Variants in CCL24 observed in about 807,000 individuals in gnomAD.
The protein encoded by CCL24 is C-C motif chemokine 24.
A neutral mutation model predicts 8.6 loss-of-function variants in CCL24; 6 were observed. That is an observed-to-expected ratio of 0.70 (90% CI 0.38 to 1.38). The LOEUF is 1.38. CCL24 is among the 40% of genes most tolerant of loss of function. The pLI is 0.02. For missense variants in CCL24, 126 were observed against 147.1 expected (o/e 0.86, Z 0.74); for synonymous variants, 59 against 52.7 (o/e 1.12, Z -0.52).
In CCL24 at chr7:75,811,214, C is replaced by T. The variant is rs1354697996; in HGVS notation, c.*582G>A. Among the ~76,000 whole-genome samples the T allele has an allele frequency of 3.0e-4, 46 of 151,104 alleles. No individual in the cohort carries two copies. The highest frequency in any genetic ancestry group is 1.1e-3 in the African/African-American group (46 of 41,138). ...TTTGAGTAGGCTGGGTGTGGTGGCT[C>T]ATGCCTGTAATCCCAGCACTTTGGG... On this transcript the variant is annotated 3_prime_UTR_variant, in exon 3 of 3. Coordinates refer to ENST00000222902, the MANE Select transcript of CCL24 (RefSeq NM_002991.3).
chr7:75,821,820 T>TC (rs1804055208), intron 1 of CCL24, among the ~76,000 whole-genome samples: 2 of 148,698 alleles, frequency 1.3e-5, no homozygotes, highest in South Asian at 4.2e-4. Context: ...CCCAGCTACT[T>TC]GGGAGGCTGA....
chr7:75,813,638 CT>C lies in CCL24; in HGVS notation c.73+4del. 6.2e-7 allele frequency: 1 copy of C among 1,612,270 alleles called. No homozygotes were observed. Reference sequence around the variant, plus strand: ...CTTGGAACTGCATCCTGTCGGAGGTCTTACCCGTAGGGATGATGTGGTGGGC... The same window carrying C: ...CTTGGAACTGCATCCTGTCGGAGGTCTACCCGTAGGGATGATGTGGTGGGC... On this transcript the variant is annotated splice_donor_region_variant and intron_variant, in intron 1 of 2. Transcript: ENST00000222902.
chr7:75,819,330 A>T (rs1803976335), intron 1 of CCL24, among the ~76,000 whole-genome samples: 1 of 89,588 alleles, frequency 1.1e-5, no homozygotes, highest in Admixed American at 1.3e-4. Flanking sequence ...ATATATATAT[A>T]TATATATTCA....
chr7:75,823,065 T>C (rs1413650384), intron 1 of CCL24, among the ~76,000 whole-genome samples: 1 of 152,146 alleles, frequency 6.6e-6, no homozygotes, highest in African/African-American at 2.4e-5. Flanking sequence ...GCCACCAGCT[T>C]TGCACAGCCT....
chr7:75,823,129 C>T (rs974321241), intron 1 of CCL24, among the ~76,000 whole-genome samples: 2 of 152,088 alleles, frequency 1.3e-5, no homozygotes, highest in South Asian at 4.1e-4. Flanking sequence ...AGCGGGTAGA[C>T]ATCTGGGGTG....
At chr7:75,813,469 C>T (rs781915232) in intron 1 of CCL24, 46 bp from the exon 2 acceptor site, 1 of 1,451,540 alleles carries the variant, frequency 6.9e-7, no homozygotes, top group South Asian at 1.1e-5. Context: ...CCAGCCTCCC[C>T]TTGGCTCTGG....
intron 1 of CCL24, among the ~76,000 whole-genome samples, chr7:75,823,050 T>C (rs1804081327): frequency 6.6e-6 from 1 of 152,144 alleles, no homozygotes; most frequent in East Asian, 1.9e-4. Flanking sequence ...CTTTAGACTC[T>C]CACGGCCACC....
chr7:75,813,827 G>T (rs1803829913), upstream of CCL24: 1 of 757,240 alleles, frequency 1.3e-6, no homozygotes, highest in Non-Finnish European at 2.3e-6. Flanking sequence ...CCCTCCCTCT[G>T]CCCTTTATGG....
At chr7:75,819,485 A>C (rs1554534712) in intron 1 of CCL24, among the ~76,000 whole-genome samples, 1 of 149,606 alleles carries the variant, frequency 6.7e-6, no homozygotes, top group African/African-American at 2.5e-5. Flanking sequence ...AAAATTAGCC[A>C]GACACTGGGG....
chr7:75,812,865 G>A (rs1322793047), intron 2 of CCL24, among the ~76,000 whole-genome samples: 3 of 152,026 alleles, frequency 2.0e-5, no homozygotes, highest in South Asian at 2.1e-4. Flanking sequence ...GGGAGGCGGA[G>A]GTTGCAGTGA....
Position 75,811,541 on chromosome 7 carries a change from A to T in CCL24, c.*255T>A. The T allele has an allele frequency of 2.6e-6, 1 of 381,364 alleles. No individual in the cohort carries two copies. The highest frequency in any genetic ancestry group is 4.7e-6 in the Non-Finnish European group (1 of 214,166). 23.6% of individuals were successfully genotyped at this position (381,364 alleles called of 1,614,324 possible). A position where few individuals can be genotyped will look rare whatever the true frequency, so the allele number is the denominator to read the frequency against. ...CAGGAGGAGAAGGCAAAGAGTTGCC[A>T]CTGCTCTCCTTCTGGGATCTTCTCA... On this transcript the variant is annotated 3_prime_UTR_variant, in exon 3 of 3. Transcript: ENST00000222902.
At position 75,813,805 on chromosome 7, in the gene CCL24, G is replaced by T; in HGVS notation, c.-90C>A. On this transcript the variant is annotated 5_prime_UTR_variant, in exon 1 of 3. Coordinates refer to ENST00000222902, the MANE Select transcript of CCL24 (RefSeq NM_002991.3). The stretch of plus-strand genomic sequence containing the variant: ...GATAAATAGCTCGGGTCCTTGCAGA[G>T]TACCCCAAACTCCCTCCCTCTGCCC... 4 of 1,026,788 alleles carry T rather than the reference G, an allele frequency of 3.9e-6. No individual in the cohort carries two copies. The highest frequency in any genetic ancestry group is 6.1e-6 in the Non-Finnish European group (4 of 656,364). 63.6% of individuals were successfully genotyped at this position (1,026,788 alleles called of 1,614,324 possible). A position where few individuals can be genotyped will look rare whatever the true frequency, so the allele number is the denominator to read the frequency against.
upstream of CCL24, among the ~76,000 whole-genome samples, chr7:75,816,758 C>T (rs1286563268): frequency 7.9e-5 from 12 of 151,002 alleles, no homozygotes; most frequent in African/African-American, 2.9e-4. Flanking sequence ...GACGGGATTT[C>T]ACTAGGTTGG....
At position 75,820,106 on chromosome 7, in the gene CCL24, C is replaced by CCTTCTT. The variant is rs71534425; in HGVS notation, c.-60+3210_-60+3215dup. 1.9e-4 allele frequency among the ~76,000 whole-genome samples: 14 copies of CCTTCTT among 72,116 alleles called. 1 individual carries two copies. Among genetic ancestry groups the CCTTCTT allele is most frequent in the East Asian group, 2.8e-3 (2 of 708 alleles). The allele number at this position is 72,116 out of a possible 152,430, so 47.3% of individuals were successfully genotyped here. On this transcript the variant is annotated intron_variant, in intron 1 of 3. Transcript: ENST00000416943. ...TCTTCTTCCTCTTCTTCTTCTTCTT[C>CCTTCTT]CTTCTTCTTCTTCTTCTTCTTCTTC... is the stretch of plus-strand genomic sequence containing the variant.
intron 1 of CCL24, among the ~76,000 whole-genome samples, chr7:75,820,018 A>ACGTCTTCTTCTT (rs1230617445): frequency 0.054 from 5,688 of 104,572 alleles, 514 homozygotes; most frequent in Admixed American, 0.063. Context: ...TTAGTAAACT[A>ACGTCTTCTTCTT]CTTCTTCTTC....
rs1045055256 is a variant in CCL24, at chr7:75,811,716, A to G, written c.*80T>C. Reference sequence around the variant, plus strand: ...AACAGGAAAATTAGCTCTTCCCCCCATCACTGTGGCTTCTCCAGGCCCCGA... The same window carrying G: ...AACAGGAAAATTAGCTCTTCCCCCCGTCACTGTGGCTTCTCCAGGCCCCGA... On this transcript the variant is annotated 3_prime_UTR_variant, in exon 3 of 3. Coordinates refer to ENST00000222902, the MANE Select transcript of CCL24 (RefSeq NM_002991.3). 1.5e-5 allele frequency: 19 copies of G among 1,295,558 alleles called. No homozygotes were observed. In the Admixed American group the frequency reaches 1.6e-4, roughly 11 times the overall value. The allele number at this position is 1,295,558 out of a possible 1,614,324, so 80.3% of individuals were successfully genotyped here.
upstream of CCL24, among the ~76,000 whole-genome samples, chr7:75,817,506 A>G (rs1212933982): frequency 1.4e-5 from 2 of 143,668 alleles, no homozygotes; most frequent in Middle Eastern, 7.4e-3. Flanking sequence ...AAAATATCCA[A>G]TTTTTTTTTT....
chr7:75,811,862 A>C lies in CCL24; in HGVS notation c.294T>G (p.Pro98=), dbSNP rs781832289. The change falls in exon 3 of 3, where the codon CCT becomes CCG. Residue 98 remains proline (P), a synonymous_variant. Transcript: ENST00000222902. ...CCTTGACAGCCACTGCCCTGGCCCT[A>C]GGGGAAGCCTTCTTCTGCTTGGCGT... ...NLDAKQKKAS[P]RARAVAVKGP... 6.2e-7 allele frequency: 1 copy of C among 1,612,376 alleles called. No homozygotes were observed. Among genetic ancestry groups the C allele is most frequent in the African/African-American group, 1.3e-5 (1 of 74,394 alleles).
chr7:75,811,474 G>A lies in CCL24; in HGVS notation c.*322C>T, dbSNP rs564374858. ...AGCCTGGGTGACAGAGCGAGACTCC[G>A]TCTCAGAAAAAAAAAAAAAAGAAAA... On this transcript the variant is annotated 3_prime_UTR_variant, in exon 3 of 3. Transcript: ENST00000222902. Among the ~76,000 whole-genome samples the A allele has an allele frequency of 5.3e-4, 80 of 149,796 alleles. No homozygotes were observed. Among genetic ancestry groups the A allele is most frequent in the Admixed American group, 1.7e-3 (25 of 15,002 alleles).
Sources: gnomAD v4.1 joint callset for allele counts (sites outside exome capture counted in the v4.1 genomes callset) on GRCh38, gnomAD v4.1.1 for gene constraint, MANE v1.5 for transcripts, NCBI Gene and HGNC (gene_info 2026-07-23, HGNC 2026-07-21) for gene names.